Variants in BTLA observed in about 807,000 individuals in gnomAD.
The protein encoded by BTLA is B- and T-lymphocyte attenuator.
BTLA carries 11 observed loss-of-function variants against 25.0 expected under a neutral mutation model. The observed-to-expected ratio is 0.44, with a 90% confidence interval of 0.28 to 0.73. The LOEUF (loss-of-function observed/expected upper bound fraction) is 0.73, where lower values mean the gene tolerates loss of function less well. Among genes scored for constraint, BTLA ranks in the 30% least tolerant of loss-of-function variants. BTLA has a pLI of 0.15. For missense variants in BTLA, 282 were observed against 332.8 expected (o/e 0.85, Z 1.19); for synonymous variants, 104 against 119.8 (o/e 0.87, Z 0.86).
chr3:112,486,160 C>T (rs183899722), intron 1 of BTLA, among the ~76,000 whole-genome samples: 7 of 152,190 alleles, frequency 4.6e-5, no homozygotes, highest in South Asian at 2.1e-4. Flanking sequence ...TCTACTCCCC[C>T]CCAGGCTCTT....
At chr3:112,475,307 A>G (rs2082283465) in intron 2 of BTLA, among the ~76,000 whole-genome samples, 1 of 152,136 alleles carries the variant, frequency 6.6e-6, no homozygotes, top group Admixed American at 6.5e-5. Flanking sequence ...TCAAAAAGAA[A>G]CTGACAAGGC....
At chr3:112,472,886 G>C (rs1020657452) in intron 2 of BTLA, among the ~76,000 whole-genome samples, 3 of 151,916 alleles carry the variant, frequency 2.0e-5, no homozygotes, top group African/African-American at 7.3e-5. Flanking sequence ...CCACTGCCAG[G>C]AGTGCCAGAA....
intron 2 of BTLA, among the ~76,000 whole-genome samples, chr3:112,477,831 C>A (rs1417757891): frequency 1.3e-5 from 2 of 151,860 alleles, no homozygotes; most frequent in Admixed American, 6.6e-5. Context: ...CAAATTAATT[C>A]TTTTACATAT....
chr3:112,483,703 C>T (rs1226206344), intron 1 of BTLA, among the ~76,000 whole-genome samples: 1 of 151,890 alleles, frequency 6.6e-6, no homozygotes, highest in East Asian at 2.0e-4. Flanking sequence ...CATGGTGGCT[C>T]ACGCCTGTAA....
chr3:112,473,812 C>T (rs1488455493), intron 2 of BTLA, among the ~76,000 whole-genome samples: 1 of 151,866 alleles, frequency 6.6e-6, no homozygotes, highest in African/African-American at 2.4e-5. Context: ...GATAGGGTTT[C>T]ACCATGTTGA....
intron 1 of BTLA, among the ~76,000 whole-genome samples, chr3:112,496,711 C>T (rs11917366): frequency 0.011 from 1,655 of 152,294 alleles, 28 homozygotes; most frequent in African/African-American, 0.037. Context: ...ACTGCTGCTG[C>T]AATCCATTAT....
chr3:112,495,113 T>A (rs1037918974), intron 1 of BTLA, among the ~76,000 whole-genome samples: 5 of 152,330 alleles, frequency 3.3e-5, no homozygotes, highest in African/African-American at 1.2e-4. Context: ...ATTAATTCAC[T>A]TAATAGTCAC....
At chr3:112,498,568 CTTTTTT>C (rs34606026) in intron 1 of BTLA, among the ~76,000 whole-genome samples, 161 of 83,864 alleles carry the variant, frequency 1.9e-3, no homozygotes, top group African/African-American at 5.0e-3. Context: ...AAGAAATTGC[CTTTTTT>C]TTTTTTTTTT....
chr3:112,468,882 A>C (rs2082244678), intron 4 of BTLA, among the ~76,000 whole-genome samples: 1 of 152,158 alleles, frequency 6.6e-6, no homozygotes, highest in African/African-American at 2.4e-5. Flanking sequence ...TTGGTGGGGA[A>C]TGTTGAATGC....
At chr3:112,471,147 T>C in intron 3 of BTLA, 65 bp downstream of exon 3, 5 of 1,513,070 alleles carry the variant, frequency 3.3e-6, no homozygotes, top group Admixed American at 2.1e-5. Flanking sequence ...AAAAATCCTT[T>C]AGCCCCAGAA....
intron 1 of BTLA, among the ~76,000 whole-genome samples, chr3:112,498,384 G>T (rs187262804): frequency 1.3e-5 from 2 of 152,012 alleles, no homozygotes; most frequent in East Asian, 1.9e-4. Flanking sequence ...AGTGAGGCGG[G>T]ATCACGCCAT....
chr3:112,494,031 G>C (rs1355173051), intron 1 of BTLA, among the ~76,000 whole-genome samples: 1 of 152,072 alleles, frequency 6.6e-6, no homozygotes, highest in Non-Finnish European at 1.5e-5. Flanking sequence ...AATGGCATGA[G>C]CCCGGGAGGC....
chr3:112,473,619 T>C (rs573059523), intron 2 of BTLA, among the ~76,000 whole-genome samples: 1 of 140,480 alleles, frequency 7.1e-6, no homozygotes, highest in South Asian at 2.4e-4. Flanking sequence ...TTCTTTTTTT[T>C]TTTTTTTTTT....
chr3:112,488,665 G>A (rs1193728539), intron 1 of BTLA, among the ~76,000 whole-genome samples: 1 of 152,218 alleles, frequency 6.6e-6, no homozygotes, highest in Non-Finnish European at 1.5e-5. Flanking sequence ...CCAGGCTGGA[G>A]TGCAGTGGCG....
At position 112,493,629 on chromosome 3, in the gene BTLA, G is replaced by A. The variant is rs184871951; in HGVS notation, c.88+5642C>T. Among the ~76,000 whole-genome samples the A allele has an allele frequency of 3.3e-4, 51 of 152,276 alleles. No homozygotes were observed. The East Asian group carries it at 8.9e-3, about 27-fold the overall frequency. ...AAGCAATTCTGCCTCAGCCTCCCAA[G>A]TAGCTGGTCTTACAGGCGTGTCCCA... On this transcript the variant is annotated intron_variant, in intron 1 of 4. Transcript: ENST00000334529.
chr3:112,499,458 A>G lies in BTLA; in HGVS notation c.-100T>C, dbSNP rs1576697816. 3 of 668,490 alleles carry G rather than the reference A, an allele frequency of 4.5e-6. No homozygotes were observed. The highest frequency in any genetic ancestry group is 6.9e-6 in the Non-Finnish European group (3 of 435,270). 41.4% of individuals were successfully genotyped at this position (668,490 alleles called of 1,614,324 possible). On this transcript the variant is annotated 5_prime_UTR_variant, in exon 1 of 5. It removes an upstream start codon present in the reference 5' UTR. Coordinates refer to ENST00000334529, the MANE Select transcript of BTLA (RefSeq NM_181780.4). ...GGGTCAGTTTACCTACCCCAGTGGC[A>G]TCTGTGAAATAACTAAAAAAAAAAA...
chr3:112,484,477 C>T (rs867704751), intron 1 of BTLA, among the ~76,000 whole-genome samples: 3 of 152,192 alleles, frequency 2.0e-5, no homozygotes, highest in Middle Eastern at 3.2e-3. Flanking sequence ...AAGGATTGAA[C>T]TGTAAAAGTA....
intron 1 of BTLA, among the ~76,000 whole-genome samples, chr3:112,485,166 T>G (rs1260176269): frequency 6.6e-6 from 1 of 152,086 alleles, no homozygotes; most frequent in African/African-American, 2.4e-5. Flanking sequence ...TGCCTCAGCC[T>G]CCCCGGTGGC....
intron 1 of BTLA, among the ~76,000 whole-genome samples, chr3:112,497,263 A>G (rs1287390699): frequency 1.3e-5 from 2 of 152,220 alleles, no homozygotes; most frequent in African/African-American, 4.8e-5. Context: ...GAGGCACTTT[A>G]CCCATATTAT....
Sources: allele counts gnomAD v4.1 joint callset (sites outside exome capture counted in the v4.1 genomes callset), GRCh38; gene constraint gnomAD v4.1.1; transcripts MANE v1.5; gene names NCBI Gene and HGNC (gene_info 2026-07-23, HGNC 2026-07-21).